Variants in NUP210L observed in about 807,000 individuals in gnomAD.
NUP210L encodes the protein nucleoporin 210 like, also known as nuclear pore membrane glycoprotein 210-like.
In NUP210L, 74 loss-of-function variants were observed where a neutral mutation model predicts 208.5. The ratio of observed to expected loss-of-function variants is 0.35; its 90% confidence interval spans 0.29 to 0.43. NUP210L has a LOEUF of 0.43. Among genes scored for constraint, NUP210L ranks in the 20% least tolerant of loss-of-function variants. The probability of loss-of-function intolerance (pLI) is 1.00; values close to 1 mark genes in which losing one functional copy is unlikely to be tolerated. For synonymous variants in NUP210L, 780 were observed against 816.9 expected, an observed-to-expected ratio of 0.95 and a Z score of 0.77; for missense variants, 1,843 against 2,289.4, an observed-to-expected ratio of 0.81 and a Z score of 3.98.
intron 10 of NUP210L, among the ~76,000 whole-genome samples, chr1:154,123,649 G>A (rs767989364): frequency 3.9e-5 from 6 of 151,950 alleles, no homozygotes; most frequent in African/African-American, 7.2e-5. Flanking sequence ...AGGCCAAGGC[G>A]GGTGGATCAC....
At chr1:154,057,822 G>C (rs1459463241) in intron 22 of NUP210L, among the ~76,000 whole-genome samples, 1 of 151,772 alleles carries the variant, frequency 6.6e-6, no homozygotes, top group African/African-American at 2.4e-5. Flanking sequence ...TAGTGTGCTA[G>C]AGCCTCCAAC....
At chr1:154,062,157 A>G (rs1236448259) in intron 17 of NUP210L, among the ~76,000 whole-genome samples, 1 of 152,076 alleles carries the variant, frequency 6.6e-6, no homozygotes, top group Non-Finnish European at 1.5e-5. Flanking sequence ...GACCATGCCA[A>G]TATGTACCCA....
At chr1:154,079,514 G>A (rs1156635941) in intron 16 of NUP210L, 1 of 152,222 alleles carries the variant, frequency 6.6e-6, no homozygotes, top group Non-Finnish European at 1.5e-5. Context: ...ATTGAAGTTG[G>A]TGGTAGTCAC....
chr1:154,117,906 T>C (rs764073337), intron 11 of NUP210L, 26 bp from the exon 12 acceptor site: 16 of 1,537,856 alleles, frequency 1.0e-5, no homozygotes, highest in South Asian at 3.5e-5. Context: ...TTACATTTAA[T>C]TACAATCGGA....
At chr1:154,119,465 G>C (rs757372698) in intron 10 of NUP210L, among the ~76,000 whole-genome samples, 1 of 152,104 alleles carries the variant, frequency 6.6e-6, no homozygotes, top group Non-Finnish European at 1.5e-5. Flanking sequence ...GTGCATGCCT[G>C]TAACTCCAGC....
chr1:154,012,306 G>A (rs929722255), exon 34 of NUP210L: 1 of 1,612,538 alleles, frequency 6.2e-7, no homozygotes, highest in Admixed American at 1.7e-5. Flanking sequence ...TGAATTGAGG[G>A]TATTGGTGAG....
intron 33 of NUP210L, among the ~76,000 whole-genome samples, chr1:154,014,164 T>G (rs1651116780): frequency 6.6e-6 from 1 of 152,220 alleles, no homozygotes; most frequent in Non-Finnish European, 1.5e-5. Flanking sequence ...TTAGTTACAT[T>G]AATGGCTTAA....
At chr1:154,055,133 T>TTTCTTTCTTTTC (rs760970628) in intron 23 of NUP210L, among the ~76,000 whole-genome samples, 2,299 of 68,614 alleles carry the variant, frequency 0.034, 43 homozygotes, top group South Asian at 0.096. Context: ...TTTTCTTTCT[T>TTTCTTTCTTTTC]TCTTTCTTTC....
At chr1:154,046,040 G>A in intron 27 of NUP210L, 29 bp downstream of exon 27, 2 of 1,593,598 alleles carry the variant, frequency 1.3e-6, no homozygotes, top group Non-Finnish European at 1.7e-6. Flanking sequence ...AGATCCCTAA[G>A]ATAACACAAT....
chr1:154,015,437 T>C (rs1029772893), intron 33 of NUP210L, among the ~76,000 whole-genome samples: 8 of 151,714 alleles, frequency 5.3e-5, no homozygotes, highest in Admixed American at 3.3e-4. Flanking sequence ...ACACAAAAAA[T>C]TGGCTGGGCA....
intron 35 of NUP210L, among the ~76,000 whole-genome samples, chr1:154,007,768 G>T (rs1650648146): frequency 6.6e-6 from 1 of 150,434 alleles, no homozygotes; most frequent in Admixed American, 6.7e-5. Context: ...TGGAGACAGG[G>T]TTTCACCATG....
intron 16 of NUP210L, among the ~76,000 whole-genome samples, chr1:154,074,202 T>C (rs1243522418): frequency 6.6e-6 from 1 of 152,182 alleles, no homozygotes; most frequent in East Asian, 1.9e-4. Context: ...ATTTGAAATC[T>C]TGAGACTATC....
At chr1:154,032,684 G>A (rs576514307) in intron 27 of NUP210L, among the ~76,000 whole-genome samples, 2 of 152,166 alleles carry the variant, frequency 1.3e-5, no homozygotes, top group African/African-American at 2.4e-5. Flanking sequence ...TTGGGAGGCC[G>A]AGGCAGGTGG....
intron 16 of NUP210L, among the ~76,000 whole-genome samples, chr1:154,071,688 T>C (rs906338394): frequency 1.2e-4 from 17 of 139,908 alleles, no homozygotes; most frequent in African/African-American, 4.7e-4. Context: ...CAGGCTGGAG[T>C]GCAGTGGCAC....
intron 10 of NUP210L, among the ~76,000 whole-genome samples, chr1:154,125,996 C>T (rs1657948631): frequency 6.6e-6 from 1 of 150,954 alleles, no homozygotes; most frequent in Admixed American, 6.6e-5. Context: ...TCTCGATCTC[C>T]TGACCTCGTG....
chr1:154,069,177 A>G (rs763068780), intron 17 of NUP210L, among the ~76,000 whole-genome samples: 12 of 152,206 alleles, frequency 7.9e-5, no homozygotes, highest in African/African-American at 2.4e-4. Flanking sequence ...AATGGCAACA[A>G]AAGCCAAAAT....
chr1:154,133,746 TG>T (rs1658374207), intron 7 of NUP210L, among the ~76,000 whole-genome samples: 1 of 151,738 alleles, frequency 6.6e-6, no homozygotes, highest in Admixed American at 6.6e-5. Flanking sequence ...GAGGCTGAGC[TG>T]GGAGGATCAC....
chr1:154,056,741 T>A, intron 23 of NUP210L, 74 bp downstream of exon 23: 2 of 1,448,010 alleles, frequency 1.4e-6, no homozygotes, highest in Non-Finnish European at 1.9e-6. Context: ...TTTTAACTTG[T>A]ATAAACTAAC....
At chr1:154,107,034 C>A (rs1299755432) in intron 12 of NUP210L, among the ~76,000 whole-genome samples, 1 of 152,096 alleles carries the variant, frequency 6.6e-6, no homozygotes, top group Non-Finnish European at 1.5e-5. Context: ...CACCAGTGAC[C>A]AATCCTGGAG....
Sources: gnomAD v4.1 joint callset for allele counts (sites outside exome capture counted in the v4.1 genomes callset) on GRCh38, gnomAD v4.1.1 for gene constraint, MANE v1.5 for transcripts, NCBI Gene and HGNC (gene_info 2026-07-23, HGNC 2026-07-21) for gene names.